Variants in PRKDC observed in about 807,000 individuals in gnomAD.
PRKDC encodes protein kinase, DNA-activated, catalytic subunit, also known as DNA-dependent protein kinase catalytic subunit.
PRKDC carries 82 observed loss-of-function variants against 486.9 expected under a neutral mutation model. That is an observed-to-expected ratio of 0.17 (90% CI 0.14 to 0.20). The LOEUF (loss-of-function observed/expected upper bound fraction) is 0.20. Among genes scored for constraint, PRKDC ranks in the 10% least tolerant of loss-of-function variants. The pLI, the probability that PRKDC is intolerant of heterozygous loss-of-function variation, is 1.00. For missense variants in PRKDC, 4,504 were observed against 5,038.2 expected (o/e 0.89, Z 3.21); for synonymous variants, 1,895 against 1,837.0 (o/e 1.03, Z -0.81).
chr8:47,840,683 T>C (rs1005432506), intron 54 of PRKDC, among the ~76,000 whole-genome samples: 3 of 152,228 alleles, frequency 2.0e-5, no homozygotes, highest in Non-Finnish European at 4.4e-5. Context: ...TGGTGTATAG[T>C]GAAGTACAAT....
chr8:47,893,511 T>A (rs1234487335), intron 30 of PRKDC, 124 bp from the exon 31 acceptor site: 1 of 1,015,230 alleles, frequency 9.8e-7, no homozygotes, highest in Non-Finnish European at 1.3e-6. Context: ...ATTCAACTTG[T>A]TTCACTGTAA....
intron 25 of PRKDC, among the ~76,000 whole-genome samples, chr8:47,906,839 T>C (rs147871027): frequency 6.6e-6 from 1 of 151,480 alleles, no homozygotes; most frequent in African/African-American, 2.4e-5. Context: ...TGATGCAAAA[T>C]GTCCCAGGGC....
rs182548912 is a variant in PRKDC at position 47,897,176 on chromosome 8, C to T, written c.3583G>A (p.Val1195Ile). Residue 1195 changes from valine to isoleucine, a missense_variant, in exon 30 of 86, where the codon GTT becomes ATT. By Grantham distance (29) the Val-to-Ile change is conservative. Around this residue, in one of 6 missense-constraint regions of PRKDC, gnomAD observed 1,969 missense variants for 2,068.9 expected, o/e 0.95. Coordinates refer to ENST00000314191, the MANE Select transcript of PRKDC (RefSeq NM_006904.7). ...HKSIELFYKF[V>I]PLLPGNRSPN... ...ATTACCATACCTGGCAATAAAGGAA[C>T]GAATTTATAAAAGAGTTCAATGGAT... 4.0e-5 allele frequency: 64 copies of T among 1,597,726 alleles called. No homozygotes were observed. The East Asian group carries it at 1.2e-3, about 30-fold the overall frequency.
intron 60 of PRKDC, 117 bp from the exon 61 acceptor site, chr8:47,830,853 G>A: frequency 7.9e-7 from 1 of 1,260,928 alleles, no homozygotes; most frequent in Non-Finnish European, 1.1e-6. Context: ...GGTGGGAACT[G>A]ATGCTCGCAG....
intron 10 of PRKDC, among the ~76,000 whole-genome samples, chr8:47,942,342 A>T (rs2090458446): frequency 6.6e-6 from 1 of 152,210 alleles, no homozygotes; most frequent in South Asian, 2.1e-4. Context: ...AAGGCCAAGT[A>T]CAGCAGGGAG....
chr8:47,817,593 A>G (rs765648815), intron 67 of PRKDC, 32 bp from the exon 68 acceptor site: 9 of 1,312,094 alleles, frequency 6.9e-6, no homozygotes, highest in Admixed American at 2.0e-5. Flanking sequence ...GACTATACAC[A>G]CAGCTCAATT....
chr8:47,879,008 T>C (rs1026993961), intron 39 of PRKDC, among the ~76,000 whole-genome samples: 1 of 152,258 alleles, frequency 6.6e-6, no homozygotes, highest in Non-Finnish European at 1.5e-5. Context: ...ATATTAGGGA[T>C]AATCACGAAA....
At chr8:47,903,848 A>G (rs933921882) in intron 26 of PRKDC, among the ~76,000 whole-genome samples, 4 of 152,224 alleles carry the variant, frequency 2.6e-5, no homozygotes, top group African/African-American at 9.6e-5. Flanking sequence ...AATTAACTTT[A>G]GCTAACTGTA....
chr8:47,811,593 G>C (rs1270015592), intron 68 of PRKDC, among the ~76,000 whole-genome samples: 2 of 152,182 alleles, frequency 1.3e-5, no homozygotes, highest in Non-Finnish European at 2.9e-5. Context: ...GTGTTATCTA[G>C]TGGTGTTTTC....
At chr8:47,935,576 G>A (rs1259472492) in intron 13 of PRKDC, among the ~76,000 whole-genome samples, 156 bp downstream of exon 13, 1 of 151,824 alleles carries the variant, frequency 6.6e-6, no homozygotes, top group Non-Finnish European at 1.5e-5. Flanking sequence ...GTAATAGGAT[G>A]AAAAAAAGGA....
At position 47,954,431 on chromosome 8, in the gene PRKDC, TA is replaced by T; in HGVS notation, c.414del (p.Phe138LeufsTer25). 1 of 1,335,106 alleles carries T rather than the reference TA, an allele frequency of 7.5e-7. No individual in the cohort carries two copies. 82.7% of individuals were successfully genotyped at this position (1,335,106 alleles called of 1,614,324 possible). The stretch of plus-strand genomic sequence containing the variant: ...AATTCATCCATGAGTCTAGAACTTC[TA>T]AAAGTCTGAAGTAACTAAAAGAATA... The part of the protein sequence containing the change: ...LDLLIKLLQT[F>X]RSSRLMDEFK... On this transcript the variant is annotated frameshift_variant, in exon 5 of 86. Transcript: ENST00000314191. LOFTEE classifies it high-confidence loss of function.
chr8:47,839,757 G>A, intron 55 of PRKDC, among the ~76,000 whole-genome samples: 1 of 152,140 alleles, frequency 6.6e-6, no homozygotes, highest in East Asian at 1.9e-4. Flanking sequence ...GGACCCAAAT[G>A]ATCCCTAAAA....
chr8:47,877,679 C>A, intron 40 of PRKDC, 45 bp downstream of exon 40: 1 of 1,465,650 alleles, frequency 6.8e-7, no homozygotes, highest in Non-Finnish European at 9.1e-7. Context: ...TCCCACAAAA[C>A]TGAAATGCGT....
At position 47,832,048 on chromosome 8, in the gene PRKDC, G is replaced by A. The variant is rs1435763359; in HGVS notation, c.8153-122C>T. 4 of 802,880 alleles carry A rather than the reference G, an allele frequency of 5.0e-6. No homozygotes were observed. In the Admixed American group the frequency reaches 8.8e-5, roughly 18 times the overall value. 49.7% of individuals were successfully genotyped at this position (802,880 alleles called of 1,614,324 possible). On this transcript the variant is annotated intron_variant, in intron 59 of 85. Coordinates refer to ENST00000314191, the MANE Select transcript of PRKDC (RefSeq NM_006904.7). ...CAGGTGCCGCAGAGGCAGCGACCGGGAGCAGGAGTGCAGGGGCCACAGCTG... is the reference window on the plus strand; with the variant it reads ...CAGGTGCCGCAGAGGCAGCGACCGGAAGCAGGAGTGCAGGGGCCACAGCTG...
intron 40 of PRKDC, among the ~76,000 whole-genome samples, chr8:47,868,392 G>A (rs2088864339): frequency 6.7e-6 from 1 of 149,320 alleles, no homozygotes; most frequent in African/African-American, 2.5e-5. Context: ...ACCTCTCTAC[G>A]TTTAAAAAAA....
At chr8:47,853,402 A>G (rs1001431962) in intron 51 of PRKDC, among the ~76,000 whole-genome samples, 2 of 152,226 alleles carry the variant, frequency 1.3e-5, no homozygotes, top group Non-Finnish European at 2.9e-5. Context: ...ACGGAGGACC[A>G]AACAGAGAGA....
At chr8:47,959,524 A>C (rs2090774903) in intron 1 of PRKDC, among the ~76,000 whole-genome samples, 1 of 151,732 alleles carries the variant, frequency 6.6e-6, no homozygotes, top group Non-Finnish European at 1.5e-5. Context: ...TAAAAATACA[A>C]AAAAATTAGC....
intron 73 of PRKDC, among the ~76,000 whole-genome samples, chr8:47,795,446 C>T (rs1370822464): frequency 6.6e-6 from 1 of 151,794 alleles, no homozygotes; most frequent in Non-Finnish European, 1.5e-5. Flanking sequence ...ACCTCGACCT[C>T]CCAAAGGGCT....
At chr8:47,862,866 A>G (rs915626588) in intron 42 of PRKDC, among the ~76,000 whole-genome samples, 6 of 152,198 alleles carry the variant, frequency 3.9e-5, no homozygotes, top group Non-Finnish European at 7.4e-5. Context: ...CTGATGAGGT[A>G]AGACAGCACC....
Sources: allele counts gnomAD v4.1 joint callset (sites outside exome capture counted in the v4.1 genomes callset), GRCh38; gene constraint gnomAD v4.1.1; regional missense constraint gnomAD v4.1.1; transcripts MANE v1.5; gene names NCBI Gene and HGNC (gene_info 2026-07-23, HGNC 2026-07-21).